Variants in ABCG1 observed in about 807,000 individuals in gnomAD.
ABCG1 encodes ATP-binding cassette sub-family G member 1.
In ABCG1, 29 loss-of-function variants were observed where a neutral mutation model predicts 69.2. That is an observed-to-expected ratio of 0.42 (90% CI 0.31 to 0.57). The LOEUF (loss-of-function observed/expected upper bound fraction) is 0.57. ABCG1 is among the 20% of genes least tolerant of loss of function. The pLI is 0.15. For missense variants in ABCG1, 718 were observed against 898.1 expected, an observed-to-expected ratio of 0.80 and a Z score of 2.56; for synonymous variants, 370 against 374.8, an observed-to-expected ratio of 0.99 and a Z score of 0.15.
chr21:42,286,778 G>A (rs1305057476), intron 8 of ABCG1, among the ~76,000 whole-genome samples: 1 of 152,232 alleles, frequency 6.6e-6, no homozygotes, highest in Non-Finnish European at 1.5e-5. Context: ...GGGATGCAGA[G>A]AGGTCCTGGA....
At chr21:42,247,850 C>T (rs1213926385) in intron 2 of ABCG1, among the ~76,000 whole-genome samples, 3 of 152,102 alleles carry the variant, frequency 2.0e-5, no homozygotes, top group Admixed American at 6.5e-5. Flanking sequence ...TGGAGGCAGC[C>T]GTTGGAGTAA....
chr21:42,212,900 A>G (rs553832144), upstream of ABCG1, among the ~76,000 whole-genome samples: 16 of 152,138 alleles, frequency 1.1e-4, no homozygotes, highest in South Asian at 1.2e-3. Flanking sequence ...TCACCATGTT[A>G]GCCAGGATGG....
At position 42,282,324 on chromosome 21, in the gene ABCG1, G is replaced by A. The variant is rs1488257350; in HGVS notation, c.639G>A (p.Arg213=). The A allele has an allele frequency of 6.2e-7, 1 of 1,613,404 alleles. No individual in the cohort carries two copies. The highest frequency in any genetic ancestry group is 2.2e-5 in the East Asian group (1 of 44,888). Residue 213 remains arginine (R), a synonymous_variant, in exon 6 of 15, where the codon CGG becomes CGA. Coordinates refer to ENST00000398449, the MANE Select transcript of ABCG1 (RefSeq NM_016818.3). ...GCTTGCTGTCTTGCGCCAACACGCG[G>A]ACCGGGAGCCTGTCAGGTGGTCAGC... ...ALGLLSCANT[R]TGSLSGGQRK... is the part of the protein sequence containing the mutation.
intron 2 of ABCG1, among the ~76,000 whole-genome samples, chr21:42,249,693 C>T (rs1425393427): frequency 2.0e-5 from 3 of 151,936 alleles, no homozygotes; most frequent in Admixed American, 6.6e-5. Context: ...AGTAAAAAGA[C>T]GGTATGGAGC....
chr21:42,244,099 G>A (rs1358247885), intron 2 of ABCG1, among the ~76,000 whole-genome samples: 1 of 152,156 alleles, frequency 6.6e-6, no homozygotes, highest in Non-Finnish European at 1.5e-5. Context: ...GATTACAGGC[G>A]TGAGCCCCCA....
rs145283932 is a variant in ABCG1 at position 42,295,771 on chromosome 21, AG to A, written c.1773-388del. Among the ~76,000 whole-genome samples, 386 of 152,268 alleles carry A rather than the reference AG, an allele frequency of 2.5e-3. 2 individuals carry two copies. The highest frequency in any genetic ancestry group is 8.8e-3 in the African/African-American group (365 of 41,536). On this transcript the variant is annotated intron_variant, in intron 14 of 14. Transcript: ENST00000398449. ...GGGCAGGACTGGAGCAGAGGGAGAG[AG>A]GGGGCAGGAATGTTTCATATAAATG...
chr21:42,288,123 C>A lies in ABCG1; in HGVS notation c.1122+86C>A. ...GGGGGAGGCTGCACGTGGCACCGTG[C>A]ACTGCTGCATGAGAGCTCTTTCCGA... is the stretch of plus-strand genomic sequence containing the variant. On this transcript the variant is annotated intron_variant, in intron 9 of 14. Transcript: ENST00000398449. The surrounding 1 kb of genome is among the most constrained non-coding windows in gnomAD (Gnocchi z 4.8). 6.2e-7 allele frequency: 1 copy of A among 1,611,392 alleles called. No individual in the cohort carries two copies. The highest frequency in any genetic ancestry group is 1.3e-5 in the African/African-American group (1 of 74,990).
At chr21:42,275,393 C>T (rs571021559) in intron 4 of ABCG1, among the ~76,000 whole-genome samples, 11 of 152,320 alleles carry the variant, frequency 7.2e-5, no homozygotes, top group South Asian at 4.1e-4. Context: ...TCAGATGGGG[C>T]GCAGAGGACC....
intron 2 of ABCG1, among the ~76,000 whole-genome samples, chr21:42,260,384 C>T (rs762983374): frequency 2.0e-5 from 3 of 152,190 alleles, no homozygotes; most frequent in Non-Finnish European, 4.4e-5. Context: ...AAACACAAGC[C>T]GGGGAGCCTG....
intron 2 of ABCG1, among the ~76,000 whole-genome samples, chr21:42,242,705 C>T (rs1398162787): frequency 6.6e-6 from 1 of 152,202 alleles, no homozygotes; most frequent in African/African-American, 2.4e-5. Flanking sequence ...TGTTATTTCA[C>T]ACTTTCCACA....
At chr21:42,282,236 C>CTCAAT (rs767420865) in intron 5 of ABCG1, 38 bp from the exon 6 acceptor site, 143 of 1,594,454 alleles carry the variant, frequency 9.0e-5, no homozygotes, top group Non-Finnish European at 1.2e-4. Flanking sequence ...TGAGCTTTGG[C>CTCAAT]GGGCAGCTCC....
At chr21:42,216,053 G>GAAT (rs938514616), upstream of ABCG1, 15 of 400,538 alleles carry the variant, frequency 3.7e-5, no homozygotes, top group East Asian at 3.3e-4. Context: ...TCATGATAGT[G>GAAT]AATAAGTCTC....
intron 2 of ABCG1, among the ~76,000 whole-genome samples, chr21:42,269,978 C>T (rs766649806): frequency 4.6e-5 from 7 of 152,170 alleles, no homozygotes; most frequent in Non-Finnish European, 8.8e-5. Context: ...CTGAGAAGTG[C>T]CCCTGGGCCG....
chr21:42,213,260 C>T (rs1353055960), upstream of ABCG1, among the ~76,000 whole-genome samples: 1 of 152,242 alleles, frequency 6.6e-6, no homozygotes, highest in Non-Finnish European at 1.5e-5. Flanking sequence ...GAACTATGCC[C>T]ACAGAGGTGC....
intron 10 of ABCG1, 28 bp from the exon 11 acceptor site, chr21:42,290,022 A>C: frequency 1.9e-6 from 3 of 1,614,198 alleles, no homozygotes; most frequent in Non-Finnish European, 2.5e-6. Context: ...TTGCGAACGC[A>C]CTGGGTAAGA....
rs1378894335 is a variant in ABCG1 at position 42,282,439 on chromosome 21, G to A, written c.734+20G>A. On this transcript the variant is annotated intron_variant, in intron 6 of 14. Transcript: ENST00000398449. The stretch of plus-strand genomic sequence containing the variant: ...CACCAGGTAAGTCAGGAGCATCTGA[G>A]CTGGTGTCCAGGGGCAGGAAGAACC... 1 of 1,602,604 alleles carries A rather than the reference G, an allele frequency of 6.2e-7. No homozygotes were observed. The highest frequency in any genetic ancestry group is 8.5e-7 in the Non-Finnish European group (1 of 1,171,702).
chr21:42,244,485 A>G (rs954746388), intron 2 of ABCG1, among the ~76,000 whole-genome samples: 1 of 152,212 alleles, frequency 6.6e-6, no homozygotes, highest in African/African-American at 2.4e-5. Context: ...AAGCTAAAAG[A>G]CTTCAAAAGC....
rs145159735 is a variant in ABCG1 at position 42,275,729 on chromosome 21, C to T, written c.538-1166C>T. On this transcript the variant is annotated intron_variant, in intron 4 of 14. Transcript: ENST00000398449. ...TCTATTTTCACAATCAAATTCAGTT[C>T]GATTTTGATTCTGAGAATTTCATGA... 1.2e-3 allele frequency among the ~76,000 whole-genome samples: 179 copies of T among 152,312 alleles called. 1 individual carries two copies. The highest frequency in any genetic ancestry group is 4.0e-3 in the African/African-American group (167 of 41,546).
intron 1 of ABCG1, among the ~76,000 whole-genome samples, chr21:42,200,262 C>T (rs1031840149): frequency 6.6e-5 from 10 of 152,306 alleles, no homozygotes; most frequent in Middle Eastern, 3.4e-3. Context: ...GGGGTGAGGC[C>T]GGCTTGGTGG....
Sources: gnomAD v4.1 joint callset for allele counts (sites outside exome capture counted in the v4.1 genomes callset) on GRCh38, gnomAD v4.1.1 for gene constraint, Gnocchi (gnomAD v3.1) non-coding constraint, MANE v1.5 for transcripts, NCBI Gene and HGNC (gene_info 2026-07-23, HGNC 2026-07-21) for gene names.